Variants in TRMO observed in about 807,000 individuals in gnomAD.
The protein encoded by TRMO is tRNA methyltransferase O, also known as tRNA (adenine(37)-N6)-methyltransferase.
In TRMO, 30 loss-of-function variants were observed where a neutral mutation model predicts 37.2. The ratio of observed to expected loss-of-function variants is 0.81; its 90% CI spans 0.60 to 1.09. TRMO has a LOEUF of 1.09. Ranked by LOEUF, TRMO falls within the 50% of genes least tolerant of loss-of-function variation. TRMO has a pLI of 0.00. For missense variants in TRMO, 552 were observed against 549.5 expected (o/e 1.00, Z -0.05); for synonymous variants, 239 against 199.4 (o/e 1.20, Z -1.67).
intron 1 of TRMO, among the ~76,000 whole-genome samples, chr9:97,916,694 C>T (rs1275026151): frequency 2.7e-5 from 4 of 147,310 alleles, no homozygotes; most frequent in Admixed American, 6.9e-5. Flanking sequence ...GGGCTATGAG[C>T]GTATTTCTTT....
chr9:97,912,895 G>C, intron 3 of TRMO: 1 of 1,301,484 alleles, frequency 7.7e-7, no homozygotes, highest in Non-Finnish European at 1.0e-6. Context: ...TGTCCTTGTA[G>C]TGTGATTCAT....
intron 2 of TRMO, 120 bp from the exon 3 acceptor site, chr9:97,913,678 A>C (rs1826230740): frequency 4.5e-6 from 3 of 672,260 alleles, no homozygotes; most frequent in Non-Finnish European, 7.6e-6. Context: ...TCATGTTTTA[A>C]ATAGTATTAA....
downstream of TRMO, among the ~76,000 whole-genome samples, chr9:97,902,994 C>G (rs1300374851): frequency 1.3e-5 from 2 of 152,172 alleles, no homozygotes; most frequent in African/African-American, 4.8e-5. Context: ...AGCCCAGGCA[C>G]AGTGGCTCAT....
At chr9:97,922,094 G>C (rs1041443156) in intron 1 of TRMO, among the ~76,000 whole-genome samples, 1 of 151,890 alleles carries the variant, frequency 6.6e-6, no homozygotes, top group African/African-American at 2.4e-5. Context: ...TTCCTAACCC[G>C]CCTAACACCA....
chr9:97,921,922 TA>T (rs1267241404), intron 1 of TRMO, among the ~76,000 whole-genome samples: 1 of 152,204 alleles, frequency 6.6e-6, no homozygotes, highest in Admixed American at 6.5e-5. Context: ...TTCCAGTTTC[TA>T]AAGCTAATAT....
rs1467972395 is a variant in TRMO at position 97,910,334 on chromosome 9, T to C, written c.692A>G (p.Tyr231Cys). ...CPEDRTSEEN[Y>C]LTHSDTARIQ... ...TCTGGCTGTGTCACTGTGTGTCAGGTAGTTTTCTTCTGAAGTTCTGTCTTC... is the reference window on the plus strand; with the variant it reads ...TCTGGCTGTGTCACTGTGTGTCAGGCAGTTTTCTTCTGAAGTTCTGTCTTC... The change falls in exon 4 of 5, where the codon TAC becomes TGC. Residue 231 changes from tyrosine (Y) to cysteine (C), a missense_variant. Coordinates refer to ENST00000375119, the MANE Select transcript of TRMO (RefSeq NM_016481.5). The C allele has an allele frequency of 1.5e-5, 25 of 1,614,058 alleles. No individual in the cohort carries two copies. The highest frequency in any genetic ancestry group is 2.0e-5 in the Non-Finnish European group (24 of 1,180,034).
At chr9:97,912,849 A>C in intron 3 of TRMO, 1 of 1,096,850 alleles carries the variant, frequency 9.1e-7, no homozygotes, top group South Asian at 1.3e-5. Flanking sequence ...CACACAGTTA[A>C]AACTAGTTTA....
At chr9:97,920,873 A>G (rs936236930) in intron 1 of TRMO, among the ~76,000 whole-genome samples, 12 of 152,188 alleles carry the variant, frequency 7.9e-5, no homozygotes, top group Middle Eastern at 3.2e-3. Flanking sequence ...TAAACTTTTC[A>G]TATTCTCCAC....
intron 1 of TRMO, among the ~76,000 whole-genome samples, chr9:97,918,701 TATAA>T (rs1554719072): frequency 1.3e-5 from 2 of 152,314 alleles, no homozygotes; most frequent in African/African-American, 2.4e-5. Context: ...ATTTGATATA[TATAA>T]ATATCATATG....
At chr9:97,914,427 T>C (rs1826261085) in intron 2 of TRMO, among the ~76,000 whole-genome samples, 2 of 152,234 alleles carry the variant, frequency 1.3e-5, no homozygotes, top group African/African-American at 4.8e-5. Context: ...AAAGGTCATT[T>C]GCATATATTA....
rs534723420 is a variant in TRMO at position 97,910,202 on chromosome 9, C to A, written c.824G>T (p.Cys275Phe). 1 of 1,614,086 alleles carries A rather than the reference C, an allele frequency of 6.2e-7. No individual in the cohort carries two copies. Among genetic ancestry groups the A allele is most frequent in the Non-Finnish European group, 8.5e-7 (1 of 1,180,038 alleles). The change falls in exon 4 of 5, where the codon TGC becomes TTC. Residue 275 changes from cysteine to phenylalanine, a missense_variant. Coordinates refer to ENST00000375119, the MANE Select transcript of TRMO (RefSeq NM_016481.5). Reference sequence around the variant, plus strand: ...TTTCTCTGAAAAGCTCTTCTCTGGGCAATATGGGCCAATTTGTTCTTCTGC... The same window carrying A: ...TTTCTCTGAAAAGCTCTTCTCTGGGAAATATGGGCCAATTTGTTCTTCTGC... Reference protein sequence around the residue: ...SVAEEQIGPYCPEKSFSEKGT... With the variant: ...SVAEEQIGPYFPEKSFSEKGT...
chr9:97,900,337 T>G (rs528130711), downstream of TRMO, among the ~76,000 whole-genome samples: 1 of 152,254 alleles, frequency 6.6e-6, no homozygotes, highest in Non-Finnish European at 1.5e-5. Flanking sequence ...AGCTAGCCCA[T>G]GGCAGGGCAG....
intron 4 of TRMO, among the ~76,000 whole-genome samples, chr9:97,907,470 A>G (rs931898691): frequency 6.6e-6 from 1 of 152,170 alleles, no homozygotes; most frequent in African/African-American, 2.4e-5. Context: ...TAGCCTCTTC[A>G]TTCTCTCCCT....
At chr9:97,901,272 T>C (rs370255488), downstream of TRMO, among the ~76,000 whole-genome samples, 190 of 152,138 alleles carry the variant, frequency 1.2e-3, 1 homozygote, top group Middle Eastern at 6.8e-3. Context: ...CTTGAAAAAG[T>C]TTCTAAGGCA....
intron 1 of TRMO, among the ~76,000 whole-genome samples, chr9:97,918,406 A>G (rs1000710364): frequency 6.6e-6 from 1 of 151,634 alleles, no homozygotes; most frequent in South Asian, 2.1e-4. Context: ...AAAAAATCAC[A>G]ATTTTTTTAA....
At chr9:97,898,940 C>T in the TRMO span, among the ~76,000 whole-genome samples, 34 of 148,864 alleles carry the variant, frequency 2.3e-4, no homozygotes, top group African/African-American at 7.7e-4. Flanking sequence ...CCCAGGTTCA[C>T]GCCATTCTCC....
chr9:97,899,089 C>T, the TRMO span, among the ~76,000 whole-genome samples: 205 of 152,162 alleles, frequency 1.3e-3, no homozygotes, highest in African/African-American at 4.4e-3. Flanking sequence ...CCGCCCGCCT[C>T]GGCCTCCCAA....
rs1277986298 is a variant in TRMO, at chr9:97,910,020, T to C, written c.1006A>G (p.Thr336Ala). The change falls in exon 4 of 5, where the codon ACT becomes GCT. Residue 336 changes from threonine to alanine, a missense_variant. Physicochemically the swap from Thr to Ala is moderately conservative, Grantham distance 58 (BLOSUM62 0). Coordinates refer to ENST00000375119, the MANE Select transcript of TRMO (RefSeq NM_016481.5). ...PAWVTEAPVA[T>A]LEVRFTPHAE... Reference sequence around the variant, plus strand: ...TGAGGAGTAAACCGCACTTCTAAAGTGGCCACAGGAGCCTCTGTCACCCAG... The same window carrying C: ...TGAGGAGTAAACCGCACTTCTAAAGCGGCCACAGGAGCCTCTGTCACCCAG... 2 of 1,601,934 alleles carry C rather than the reference T, an allele frequency of 1.2e-6. No homozygotes were observed. Among genetic ancestry groups the C allele is most frequent in the Admixed American group, 1.7e-5 (1 of 58,068 alleles).
chr9:97,911,461 A>T (rs1826122113), intron 3 of TRMO: 1 of 152,446 alleles, frequency 6.6e-6, no homozygotes, highest in Non-Finnish European at 1.5e-5. Flanking sequence ...AGTGAGCTTA[A>T]GCAGATTCTT....
Sources: allele counts gnomAD v4.1 joint callset (sites outside exome capture counted in the v4.1 genomes callset), GRCh38; gene constraint gnomAD v4.1.1; transcripts MANE v1.5; gene names NCBI Gene and HGNC (gene_info 2026-07-23, HGNC 2026-07-21).